The following CLYBL variants were observed in gnomAD, a reference collection of about 807,000 sequenced individuals.
The protein encoded by CLYBL is citramalyl-CoA lyase.
CLYBL carries 31 observed loss-of-function variants against 38.9 expected under a neutral mutation model. The observed-to-expected ratio is 0.80, with a 90% CI of 0.60 to 1.08. The LOEUF is 1.08. CLYBL is among the 50% of genes least tolerant of loss of function. CLYBL has a pLI of 0.00. For missense variants in CLYBL, 434 were observed against 411.6 expected (o/e 1.05, Z -0.47); for synonymous variants, 171 against 158.6 (o/e 1.08, Z -0.59).
Position 99,697,562 on chromosome 13 carries a change from G to T in CLYBL, c.63-75262G>T, listed in dbSNP as rs371349184. Among the ~76,000 whole-genome samples, 46 of 151,448 alleles carry T rather than the reference G, an allele frequency of 3.0e-4. No individual in the cohort carries two copies. In the South Asian group the frequency reaches 9.4e-3, roughly 31 times the overall value. On this transcript the variant is annotated intron_variant, in intron 1 of 8. Transcript: ENST00000339105. ...TTTGTATTTTTTTGGTAGAGATGGG[G>T]TTTCACCATGTTGGCCAGGCTGAGT...
chr13:99,819,842 T>G (rs538490846), intron 2 of CLYBL, among the ~76,000 whole-genome samples: 1 of 152,122 alleles, frequency 6.6e-6, no homozygotes, highest in Non-Finnish European at 1.5e-5. Flanking sequence ...AGGGCAGATC[T>G]TTTTTACTTA....
In CLYBL at chr13:99,849,768, G is replaced by A. The variant is rs894762297; in HGVS notation, c.250-9093G>A. Among the ~76,000 whole-genome samples the A allele has an allele frequency of 2.0e-5, 3 of 152,000 alleles. No homozygotes were observed. Among genetic ancestry groups the A allele is most frequent in the Non-Finnish European group, 4.4e-5 (3 of 68,032 alleles). ...GGGCAAGGTAAAGAGGAGGAAGAGA[G>A]GGGAAGGTGACGGATAGGGCTATGG... On this transcript the variant is annotated intron_variant, in intron 2 of 8. Coordinates refer to ENST00000339105, the MANE Select transcript of CLYBL (RefSeq NM_206808.5). The surrounding 1 kb of genome is among the most constrained non-coding windows in gnomAD (Gnocchi z 4.9).
At chr13:99,814,729 GAA>G (rs36062611) in intron 2 of CLYBL, among the ~76,000 whole-genome samples, 6 of 123,834 alleles carry the variant, frequency 4.8e-5, no homozygotes, top group African/African-American at 5.9e-5. Flanking sequence ...CCCTGTCTCA[GAA>G]AAAAAAAAAA....
chr13:99,678,988 T>C (rs1472495778), intron 1 of CLYBL, among the ~76,000 whole-genome samples: 7 of 152,164 alleles, frequency 4.6e-5, no homozygotes, highest in Non-Finnish European at 8.8e-5. Flanking sequence ...ATTTCTAATA[T>C]ATTGCTCATT....
At chr13:99,607,983 G>A (rs1045249921) in intron 1 of CLYBL, among the ~76,000 whole-genome samples, 11 of 151,704 alleles carry the variant, frequency 7.3e-5, no homozygotes, top group African/African-American at 1.9e-4. Context: ...ACCTCAAGGG[G>A]GTCCACCCGG....
At chr13:99,864,689 G>A in intron 4 of CLYBL, 129 bp from the exon 5 acceptor site, 1 of 676,592 alleles carries the variant, frequency 1.5e-6, no homozygotes, top group Middle Eastern at 3.0e-4. Context: ...AATTTGGGCT[G>A]CGTTTTTAGG....
intron 7 of CLYBL, among the ~76,000 whole-genome samples, chr13:99,873,935 G>A (rs2051971582): frequency 6.6e-6 from 1 of 152,044 alleles, no homozygotes; most frequent in African/African-American, 2.4e-5. Context: ...TTGGTATAAT[G>A]TTGGTTGACA....
At chr13:99,632,181 C>T (rs970190051) in intron 1 of CLYBL, among the ~76,000 whole-genome samples, 1 of 152,204 alleles carries the variant, frequency 6.6e-6, no homozygotes, top group Non-Finnish European at 1.5e-5. Context: ...ACAGAGGGCA[C>T]AAACACCCAA....
In CLYBL at chr13:99,688,094, T is replaced by C. The variant is rs557335743; in HGVS notation, c.62+81337T>C. 4.9e-4 allele frequency among the ~76,000 whole-genome samples: 74 copies of C among 152,372 alleles called. 1 individual carries two copies. The highest frequency in any genetic ancestry group is 1.8e-3 in the African/African-American group (73 of 41,588). ...AGCAACGGTCTTTCCCTTAATTATA[T>C]GCATTTTCATTTAGAGTTGCTTTAA... On this transcript the variant is annotated intron_variant, in intron 1 of 8. Coordinates refer to ENST00000339105, the MANE Select transcript of CLYBL (RefSeq NM_206808.5).
rs75948028 is a variant in CLYBL at position 99,688,598 on chromosome 13, C to CT, written c.62+81854dup. ...TATTTGGCTTTTCTTTAGTCCGATTCTTTTTTTTTTTTTAGTGTACAAACT... is the reference window on the plus strand; with the variant it reads ...TATTTGGCTTTTCTTTAGTCCGATTCTTTTTTTTTTTTTTAGTGTACAAACT... On this transcript the variant is annotated intron_variant, in intron 1 of 8. Coordinates refer to ENST00000339105, the MANE Select transcript of CLYBL (RefSeq NM_206808.5). Among the ~76,000 whole-genome samples the CT allele has an allele frequency of 2.0e-3, 279 of 139,652 alleles. 1 individual carries two copies. The highest frequency in any genetic ancestry group is 4.6e-3 in the African/African-American group (175 of 38,040). The allele number at this position is 139,652 out of a possible 152,430, so 91.6% of individuals were successfully genotyped here. A position where few individuals can be genotyped will look rare whatever the true frequency, so the allele number is the denominator to read the frequency against.
chr13:99,776,510 GT>G (rs67909322), intron 2 of CLYBL, among the ~76,000 whole-genome samples: 47,109 of 144,882 alleles, frequency 0.33, 8,133 homozygotes, highest in Middle Eastern at 0.42. Flanking sequence ...AAAAAAAGTT[GT>G]TTTTTTTTTT....
In CLYBL at chr13:99,623,118, T is replaced by C. The variant is rs531423406; in HGVS notation, c.62+16361T>C. On this transcript the variant is annotated intron_variant, in intron 1 of 8. Coordinates refer to ENST00000339105, the MANE Select transcript of CLYBL (RefSeq NM_206808.5). Reference sequence around the variant, plus strand: ...TATTTGTTTTCAGTTCCTTTAGGTTTATACCTAGGAACTGCTGTGCCATAT... The same window carrying C: ...TATTTGTTTTCAGTTCCTTTAGGTTCATACCTAGGAACTGCTGTGCCATAT... Among the ~76,000 whole-genome samples the C allele has an allele frequency of 2.0e-5, 3 of 152,392 alleles. No homozygotes were observed. In the South Asian group the frequency reaches 6.2e-4, roughly 32 times the overall value.
intron 1 of CLYBL, among the ~76,000 whole-genome samples, chr13:99,732,691 T>C (rs2806280): frequency 0.38 from 57,801 of 152,020 alleles, 13,070 homozygotes; most frequent in African/African-American, 0.62. Context: ...GCTTAAAAAT[T>C]GAGTTAAGAT....
chr13:99,768,519 T>A (rs2049318550), intron 1 of CLYBL, among the ~76,000 whole-genome samples: 1 of 11,050 alleles, frequency 9.0e-5, no homozygotes, highest in Admixed American at 9.1e-4. Context: ...TTTTTTTTTT[T>A]TTTTTTTTTA....
intron 2 of CLYBL, among the ~76,000 whole-genome samples, chr13:99,805,549 C>T (rs1039660129): frequency 6.6e-6 from 1 of 151,616 alleles, no homozygotes; most frequent in Non-Finnish European, 1.5e-5. Flanking sequence ...TGCTCCCACG[C>T]CCTCAGGATA....
chr13:99,700,926 C>T (rs73566262), intron 1 of CLYBL, among the ~76,000 whole-genome samples: 1,847 of 152,256 alleles, frequency 0.012, 31 homozygotes, highest in African/African-American at 0.042. Flanking sequence ...TTTTTTCCCT[C>T]TCTGATTGTC....
chr13:99,887,701 C>G lies in CLYBL; in HGVS notation c.928-3617C>G, dbSNP rs147771233. 5.9e-5 allele frequency among the ~76,000 whole-genome samples: 9 copies of G among 152,228 alleles called. No individual in the cohort carries two copies. The East Asian group carries it at 1.7e-3, about 29-fold the overall frequency. On this transcript the variant is annotated intron_variant, in intron 7 of 8. Transcript: ENST00000339105. ...CTGGGAGGTCGAGGCTGCAGTAAGC[C>G]GTGATGACGCCACTGCACTCCAGCC...
At chr13:99,609,339 G>A (rs1040342633) in intron 1 of CLYBL, among the ~76,000 whole-genome samples, 1 of 151,742 alleles carries the variant, frequency 6.6e-6, no homozygotes, top group African/African-American at 2.4e-5. Context: ...ACCACGTCCA[G>A]CTAATTTTTG....
intron 2 of CLYBL, among the ~76,000 whole-genome samples, chr13:99,776,774 G>A (rs1012613995): frequency 4.6e-5 from 7 of 152,166 alleles, no homozygotes; most frequent in African/African-American, 1.2e-4. Flanking sequence ...TAGTGCTGAC[G>A]ATATGCTGGG....
Sources: allele counts gnomAD v4.1 joint callset (sites outside exome capture counted in the v4.1 genomes callset), GRCh38; gene constraint gnomAD v4.1.1; non-coding constraint Gnocchi (gnomAD v3.1); transcripts MANE v1.5; gene names NCBI Gene and HGNC (gene_info 2026-07-23, HGNC 2026-07-21).